Variants in POU3F3 observed in about 807,000 individuals in gnomAD.
POU3F3 encodes POU domain, class 3, transcription factor 3.
POU3F3 carries 1 observed loss-of-function variant against 8.6 expected under a neutral mutation model. That is an observed-to-expected ratio of 0.12 (90% CI 0.04 to 0.55). The LOEUF (loss-of-function observed/expected upper bound fraction) is 0.55. Among genes scored for constraint, POU3F3 ranks in the 20% least tolerant of loss-of-function variants. POU3F3 has a pLI of 0.91. For synonymous variants in POU3F3, 418 were observed against 327.4 expected (o/e 1.28, Z -2.99); for missense variants, 577 against 690.7 (o/e 0.84, Z 1.84).
At chr2:104,926,056 T>C in the POU3F3 span, 2 of 152,198 alleles carry the variant, frequency 1.3e-5, no homozygotes, top group African/African-American at 4.8e-5. Flanking sequence ...AAAGACTTCA[T>C]GACAAAAACA....
chr2:104,870,949 G>A, the POU3F3 span, among the ~76,000 whole-genome samples: 9 of 152,146 alleles, frequency 5.9e-5, no homozygotes, highest in Non-Finnish European at 1.5e-5. Flanking sequence ...CAAGCTAAAG[G>A]CATTTCAACC....
the POU3F3 span, among the ~76,000 whole-genome samples, chr2:104,876,932 C>T: frequency 6.6e-6 from 1 of 152,206 alleles, no homozygotes; most frequent in Non-Finnish European, 1.5e-5. Flanking sequence ...TGGGAACACC[C>T]AGCACCTCAG....
At chr2:104,896,961 C>G in the POU3F3 span, among the ~76,000 whole-genome samples, 1 of 152,224 alleles carries the variant, frequency 6.6e-6, no homozygotes, top group Non-Finnish European at 1.5e-5. Flanking sequence ...GTTGGATGCC[C>G]TTTTTCAGGG....
chr2:104,880,073 T>A, the POU3F3 span, among the ~76,000 whole-genome samples: 1 of 152,334 alleles, frequency 6.6e-6, no homozygotes, highest in South Asian at 2.1e-4. Context: ...TTTCTTCTGA[T>A]ATTTCAGTGG....
the POU3F3 span, among the ~76,000 whole-genome samples, chr2:104,885,653 C>T: frequency 1.3e-5 from 2 of 152,134 alleles, no homozygotes; most frequent in African/African-American, 4.8e-5. Flanking sequence ...GGAAGGAACC[C>T]TTAGTTCTGG....
At chr2:104,897,376 A>T in the POU3F3 span, among the ~76,000 whole-genome samples, 1 of 152,070 alleles carries the variant, frequency 6.6e-6, no homozygotes, top group Admixed American at 6.5e-5. Flanking sequence ...GGTGTTTAGG[A>T]ATTGTTCATT....
At chr2:104,887,588 G>C in the POU3F3 span, among the ~76,000 whole-genome samples, 1 of 152,214 alleles carries the variant, frequency 6.6e-6, no homozygotes, top group East Asian at 1.9e-4. Flanking sequence ...CCCCAGCCCA[G>C]AGCAAGAGAC....
At chr2:104,892,643 A>C in the POU3F3 span, among the ~76,000 whole-genome samples, 1 of 150,946 alleles carries the variant, frequency 6.6e-6, no homozygotes, top group Non-Finnish European at 1.5e-5. Context: ...TTTTATATAT[A>C]TATATGTACA....
At position 104,857,230 on chromosome 2, in the gene POU3F3, C is replaced by A; in HGVS notation, c.*217C>A. Reference sequence around the variant, plus strand: ...ATGCCCGCCCTTGGAGGAGAAAACGCGGGAGAAACGGACCAAGGAGGCATT... The same window carrying A: ...ATGCCCGCCCTTGGAGGAGAAAACGAGGGAGAAACGGACCAAGGAGGCATT... On this transcript the variant is annotated 3_prime_UTR_variant, in exon 1 of 1. Coordinates refer to ENST00000361360, the MANE Select transcript of POU3F3 (RefSeq NM_006236.3). The A allele has an allele frequency of 2.4e-6, 1 of 421,766 alleles. No homozygotes were observed. The highest frequency in any genetic ancestry group is 9.1e-5 in the South Asian group (1 of 10,932). 26.1% of individuals were successfully genotyped at this position (421,766 alleles called of 1,614,324 possible).
the POU3F3 span, among the ~76,000 whole-genome samples, chr2:104,915,167 C>G: frequency 1.3e-5 from 2 of 152,120 alleles, no homozygotes; most frequent in Non-Finnish European, 2.9e-5. Flanking sequence ...CTGGGGAGAC[C>G]CAGGGCAAAT....
At position 104,856,668 on chromosome 2, in the gene POU3F3, G is replaced by A. The variant is rs776229188; in HGVS notation, c.1158G>A (p.Glu386=). ...LKPLLNKWLE[E]ADSSTGSPTS... is the part of the protein sequence containing the mutation. ...CGCTGCTGAACAAGTGGCTGGAGGAGGCGGACTCAAGCACCGGCAGCCCCA... is the reference window on the plus strand; with the variant it reads ...CGCTGCTGAACAAGTGGCTGGAGGAAGCGGACTCAAGCACCGGCAGCCCCA... Residue 386 remains glutamate, a synonymous_variant, in exon 1 of 1, where the codon GAG becomes GAA. Transcript: ENST00000361360. The A allele has an allele frequency of 6.2e-7, 1 of 1,614,180 alleles. No individual in the cohort carries two copies. Among genetic ancestry groups the A allele is most frequent in the Non-Finnish European group, 8.5e-7 (1 of 1,180,044 alleles).
rs1280598533 is a variant in POU3F3 at position 104,856,215 on chromosome 2, C to T, written c.705C>T (p.Ser235=). Residue 235 remains serine, a synonymous_variant, in exon 1 of 1, where the codon AGC becomes AGT. Transcript: ENST00000361360. ...PGGFTVNGML[S]APPGPGGGGG... ...GCTTCACGGTGAACGGCATGCTGAG[C>T]GCGCCACCGGGGCCCGGCGGCGGCG... 4 of 1,267,490 alleles carry T rather than the reference C, an allele frequency of 3.2e-6. 1 individual carries two copies. Among genetic ancestry groups the T allele is most frequent in the Middle Eastern group, 6.0e-4 (2 of 3,322 alleles). 78.5% of individuals were successfully genotyped at this position (1,267,490 alleles called of 1,614,324 possible).
In POU3F3 at chr2:104,855,818, ACGCCGCCGC is replaced by A. The variant is rs754300848; in HGVS notation, c.321_329del (p.Ala113_Ala115del). 1.2e-5 allele frequency: 14 copies of A among 1,123,326 alleles called. No individual in the cohort carries two copies. The highest frequency in any genetic ancestry group is 1.5e-5 in the Non-Finnish European group (14 of 917,418). The allele number at this position is 1,123,326 out of a possible 1,614,324, so 69.6% of individuals were successfully genotyped here. A position where few individuals can be genotyped will look rare whatever the true frequency, so the allele number is the denominator to read the frequency against. The stretch of plus-strand genomic sequence containing the variant: ...CACCAGTGGGTCACAGCCCTGCCCC[ACGCCGCCGC>A]CGCCGCCGCCGCTGCCGCCGCCGCC... On this transcript the variant is annotated inframe_deletion, in exon 1 of 1. Coordinates refer to ENST00000361360, the MANE Select transcript of POU3F3 (RefSeq NM_006236.3).
chr2:104,880,784 T>C, the POU3F3 span, among the ~76,000 whole-genome samples: 1 of 152,162 alleles, frequency 6.6e-6, no homozygotes, highest in African/African-American at 2.4e-5. Context: ...GAGAGCACCA[T>C]GTCACGTCTT....
the POU3F3 span, among the ~76,000 whole-genome samples, chr2:104,885,472 CCCAAACCTGCCAAAA>C: frequency 2.6e-5 from 4 of 152,326 alleles, no homozygotes; most frequent in African/African-American, 9.6e-5. Context: ...AAGAAGCCAG[CCCAAACCTGCCAAAA>C]CCAAGAAGGC....
In POU3F3 at chr2:104,858,127, T is replaced by C. The variant is rs1246891933; in HGVS notation, c.*1114T>C. 6.6e-6 allele frequency: 1 copy of C among 152,260 alleles called. No homozygotes were observed. Among genetic ancestry groups the C allele is most frequent in the African/African-American group, 2.4e-5 (1 of 41,472 alleles). 9.4% of individuals were successfully genotyped at this position (152,260 alleles called of 1,614,324 possible). On this transcript the variant is annotated 3_prime_UTR_variant, in exon 1 of 1. Transcript: ENST00000361360. ...CTCAGATAAAGGAATTTAGAAAGAC[T>C]GAGCACCAGCCGCTGCACTTCTCTG...
At chr2:104,908,743 G>T in the POU3F3 span, among the ~76,000 whole-genome samples, 1 of 152,122 alleles carries the variant, frequency 6.6e-6, no homozygotes, top group Non-Finnish European at 1.5e-5. Context: ...TTTTCCAATG[G>T]TCTACAGCAA....
the POU3F3 span, among the ~76,000 whole-genome samples, chr2:104,916,561 G>A: frequency 2.0e-5 from 3 of 152,168 alleles, no homozygotes; most frequent in Non-Finnish European, 2.9e-5. Flanking sequence ...CCACAGGGCC[G>A]CCTTATGACA....
In POU3F3 at chr2:104,855,619, G is replaced by A; in HGVS notation, c.109G>A (p.Gly37Ser). The change falls in exon 1 of 1, where the codon GGC (glycine) becomes AGC (serine). Residue 37 changes from glycine to serine, a missense_variant. By Grantham distance (56) the Gly-to-Ser change is moderately conservative (BLOSUM62 0). Coordinates refer to ENST00000361360, the MANE Select transcript of POU3F3 (RefSeq NM_006236.3). Reference protein sequence around the residue: ...AGAGGGGGGGGGGGGGGAGGG... With the variant: ...AGAGGGGGGGSGGGGGGAGGG... Reference sequence around the variant, plus strand: ...GGCTGGCGGCGGCGGGGGTGGCGGCGGCGGCGGCGGCGGGGGCGGCGCAGG... The same window carrying A: ...GGCTGGCGGCGGCGGGGGTGGCGGCAGCGGCGGCGGCGGGGGCGGCGCAGG... 1 of 973,046 alleles carries A rather than the reference G, an allele frequency of 1.0e-6. No individual in the cohort carries two copies. Among genetic ancestry groups the A allele is most frequent in the Non-Finnish European group, 1.2e-6 (1 of 823,062 alleles). 60.3% of individuals were successfully genotyped at this position (973,046 alleles called of 1,614,324 possible).
Sources: allele counts gnomAD v4.1 joint callset (sites outside exome capture counted in the v4.1 genomes callset), GRCh38; gene constraint gnomAD v4.1.1; transcripts MANE v1.5; gene names NCBI Gene and HGNC (gene_info 2026-07-23, HGNC 2026-07-21).